TRHDE: variants seen among roughly 807,000 people sequenced by gnomAD.
TRHDE encodes thyrotropin releasing hormone degrading enzyme, also known as thyrotropin-releasing hormone-degrading ectoenzyme.
Under a neutral mutation model 125.7 loss-of-function variants are expected in TRHDE, and 72 were observed. The ratio of observed to expected loss-of-function variants is 0.57; its 90% CI spans 0.47 to 0.70. The LOEUF is 0.70. Ranked by LOEUF, TRHDE falls within the 30% of genes least tolerant of loss-of-function variation. The pLI is 0.00. For synonymous variants in TRHDE, 509 were observed against 509.1 expected, an observed-to-expected ratio of 1.00 and a Z score of 0.00; for missense variants, 1,110 against 1,327.1, an observed-to-expected ratio of 0.84 and a Z score of 2.54.
chr12:72,099,482 A>C (rs567328335), intron 1 of TRHDE, among the ~76,000 whole-genome samples: 1 of 152,276 alleles, frequency 6.6e-6, no homozygotes, highest in South Asian at 2.1e-4. Context: ...GTAAGGATTG[A>C]CTATGTATAG....
At chr12:72,466,344 C>T (rs868419703) in intron 3 of TRHDE, among the ~76,000 whole-genome samples, 11 of 152,104 alleles carry the variant, frequency 7.2e-5, no homozygotes, top group South Asian at 2.1e-4. Flanking sequence ...CCTTGACGAC[C>T]GACTACTCTT....
chr12:72,657,128 C>A, intron 18 of TRHDE, 120 bp downstream of exon 18: 1 of 620,554 alleles, frequency 1.6e-6, no homozygotes, highest in East Asian at 3.1e-5. Context: ...CACACGCACA[C>A]CACACACACA....
At chr12:72,337,603 T>C (rs917382127) in intron 2 of TRHDE, among the ~76,000 whole-genome samples, 3 of 151,996 alleles carry the variant, frequency 2.0e-5, no homozygotes, top group African/African-American at 7.3e-5. Flanking sequence ...TTTCCCTGAG[T>C]GTGTCTCGTA....
At chr12:72,397,719 T>TGAGA (rs770381650) in intron 3 of TRHDE, among the ~76,000 whole-genome samples, 6 of 150,752 alleles carry the variant, frequency 4.0e-5, no homozygotes, top group Admixed American at 2.0e-4. Flanking sequence ...TGCTACTTTC[T>TGAGA]GAGAGAGAGA....
chr12:72,224,376 C>T lies in TRHDE; in HGVS notation n.279+118624C>T, dbSNP rs192988304. 7.5e-4 allele frequency among the ~76,000 whole-genome samples: 114 copies of T among 152,040 alleles called. 1 individual carries two copies. The Middle Eastern group carries it at 0.01, about 14-fold the overall frequency. The stretch of plus-strand genomic sequence containing the variant: ...GAAAGGGCTATAGGTTGTGGTGCTC[C>T]GGAATAATGGTTATGGTGATATGGG... On this transcript the variant is annotated intron_variant and non_coding_transcript_variant, in intron 2 of 4. Coordinates refer to the TRHDE transcript ENST00000548156.
At chr12:72,191,710 T>TA (rs1386997142) in intron 2 of TRHDE, among the ~76,000 whole-genome samples, 2 of 152,092 alleles carry the variant, frequency 1.3e-5, no homozygotes, top group African/African-American at 4.8e-5. Context: ...AGAGTTTAAG[T>TA]AAAAAAATGT....
chr12:72,252,790 T>A (rs1468568575), intron 2 of TRHDE, among the ~76,000 whole-genome samples: 1 of 152,130 alleles, frequency 6.6e-6, no homozygotes, highest in Admixed American at 6.6e-5. Context: ...TCTGTTTATT[T>A]GTCATCACTG....
At chr12:72,529,635 C>T (rs1868439413) in intron 6 of TRHDE, among the ~76,000 whole-genome samples, 1 of 152,112 alleles carries the variant, frequency 6.6e-6, no homozygotes, top group Non-Finnish European at 1.5e-5. Context: ...AAATTAGAAA[C>T]AGTGTTGCAA....
intron 2 of TRHDE, among the ~76,000 whole-genome samples, chr12:72,245,403 A>G (rs889402848): frequency 6.6e-6 from 1 of 152,044 alleles, no homozygotes; most frequent in Non-Finnish European, 1.5e-5. Context: ...CACTTTCCAC[A>G]TACTACTTTT....
chr12:72,523,810 GA>G, intron 6 of TRHDE, among the ~76,000 whole-genome samples: 1 of 152,188 alleles, frequency 6.6e-6, no homozygotes, highest in Middle Eastern at 3.2e-3. Context: ...ACCACTGTCA[GA>G]AGAGTTTGCT....
At chr12:72,509,896 T>A (rs1878513047) in intron 6 of TRHDE, among the ~76,000 whole-genome samples, 1 of 152,180 alleles carries the variant, frequency 6.6e-6, no homozygotes, top group South Asian at 2.1e-4. Context: ...GAGGGAAAGA[T>A]CCCATCTGTT....
At chr12:72,140,334 C>G (rs1168120309) in intron 2 of TRHDE, 1 of 152,224 alleles carries the variant, frequency 6.6e-6, no homozygotes, top group Non-Finnish European at 1.5e-5. Flanking sequence ...CTCTTTCAAT[C>G]AATTACAAAT....
chr12:72,120,301 G>A (rs1490356834), intron 2 of TRHDE, among the ~76,000 whole-genome samples: 5 of 151,866 alleles, frequency 3.3e-5, no homozygotes, highest in East Asian at 1.9e-4. Context: ...TGCCTGACTC[G>A]GGCTTCCAAA....
chr12:72,144,304 T>G (rs529757841), intron 2 of TRHDE, among the ~76,000 whole-genome samples: 1 of 152,346 alleles, frequency 6.6e-6, no homozygotes, highest in Non-Finnish European at 1.5e-5. Flanking sequence ...CACCCATCCT[T>G]TAACGTTCTG....
At chr12:72,350,055 T>A (rs925974328) in intron 2 of TRHDE, among the ~76,000 whole-genome samples, 7 of 151,964 alleles carry the variant, frequency 4.6e-5, no homozygotes, top group Non-Finnish European at 8.8e-5. Context: ...TCCATATACT[T>A]TTTTCTTTAA....
intron 6 of TRHDE, among the ~76,000 whole-genome samples, chr12:72,533,641 A>T: frequency 7.1e-6 from 1 of 141,292 alleles, no homozygotes; most frequent in African/African-American, 2.6e-5. Flanking sequence ...TCTTTCTCGG[A>T]GCTTTGCTAT....
At chr12:72,203,147 G>A (rs1877594024) in intron 2 of TRHDE, among the ~76,000 whole-genome samples, 1 of 151,122 alleles carries the variant, frequency 6.6e-6, no homozygotes. Context: ...GAGAGATAGA[G>A]AGAGAGAGAG....
chr12:72,170,287 T>C (rs951364421), intron 2 of TRHDE, among the ~76,000 whole-genome samples: 10 of 152,154 alleles, frequency 6.6e-5, no homozygotes, highest in African/African-American at 2.4e-4. Context: ...AATAGATACA[T>C]GGTTCTGGAA....
chr12:72,559,498 GA>G (rs1870075069), intron 7 of TRHDE, among the ~76,000 whole-genome samples: 1 of 152,008 alleles, frequency 6.6e-6, no homozygotes, highest in African/African-American at 2.4e-5. Context: ...TTGTTAAATA[GA>G]GTTTTAACTT....
Sources: allele counts gnomAD v4.1 joint callset (sites outside exome capture counted in the v4.1 genomes callset), GRCh38; gene constraint gnomAD v4.1.1; transcripts MANE v1.5; gene names NCBI Gene and HGNC (gene_info 2026-07-23, HGNC 2026-07-21).